HIVEP3: variants seen among roughly 807,000 people sequenced by gnomAD.
HIVEP3 encodes transcription factor HIVEP3.
HIVEP3 carries 49 observed loss-of-function variants against 152.8 expected under a neutral mutation model. That is an observed-to-expected ratio of 0.32 (90% CI 0.26 to 0.41). HIVEP3 has a LOEUF of 0.41. Ranked by LOEUF, HIVEP3 falls within the 10% of genes least tolerant of loss-of-function variation. The pLI is 1.00. For missense variants in HIVEP3, 2,790 were observed against 3,103.3 expected (o/e 0.90, Z 2.40); for synonymous variants, 1,269 against 1,289.0 (o/e 0.98, Z 0.33).
chr1:41,745,925 G>C (rs143050793), intron 1 of HIVEP3, among the ~76,000 whole-genome samples: 1 of 152,314 alleles, frequency 6.6e-6, no homozygotes, highest in Non-Finnish European at 1.5e-5. Flanking sequence ...CATGATGCCT[G>C]GCATCAAGAA....
At chr1:42,032,446 T>C (rs1232116709) in intron 1 of HIVEP3, among the ~76,000 whole-genome samples, 1 of 152,240 alleles carries the variant, frequency 6.6e-6, no homozygotes, top group Non-Finnish European at 1.5e-5. Flanking sequence ...TTTTTCTTCA[T>C]TAGGCAGAGG....
At chr1:41,538,872 C>T (rs1356635373) in intron 5 of HIVEP3, among the ~76,000 whole-genome samples, 1 of 152,114 alleles carries the variant, frequency 6.6e-6, no homozygotes, top group South Asian at 2.1e-4. Context: ...CAGCCATGAG[C>T]AGCCCTGGCC....
chr1:41,788,850 T>C (rs1649521662), intron 1 of HIVEP3, among the ~76,000 whole-genome samples: 1 of 152,246 alleles, frequency 6.6e-6, no homozygotes, highest in South Asian at 2.1e-4. Context: ...TCATTCCTCC[T>C]TCTCAACTTG....
At chr1:41,809,074 C>A (rs1650796776) in intron 1 of HIVEP3, among the ~76,000 whole-genome samples, 1 of 152,172 alleles carries the variant, frequency 6.6e-6, no homozygotes, top group Non-Finnish European at 1.5e-5. Context: ...CTCTGGACAC[C>A]AGGCTCTTCC....
intron 1 of HIVEP3, among the ~76,000 whole-genome samples, chr1:41,835,101 C>A (rs1191414118): frequency 6.6e-6 from 1 of 152,198 alleles, no homozygotes; most frequent in Non-Finnish European, 1.5e-5. Flanking sequence ...AGGACTAATT[C>A]TTAGCATGTA....
chr1:41,655,582 C>CAA (rs55918119), intron 2 of HIVEP3, among the ~76,000 whole-genome samples: 4,090 of 56,834 alleles, frequency 0.072, 303 homozygotes, highest in African/African-American at 0.16. Flanking sequence ...CACTCCATCT[C>CAA]AAAAAAAAAA....
chr1:41,705,284 G>A (rs1009048982), intron 1 of HIVEP3, among the ~76,000 whole-genome samples: 1 of 152,078 alleles, frequency 6.6e-6, no homozygotes, highest in Non-Finnish European at 1.5e-5. Context: ...CCCTGGCCTG[G>A]CCTGCAATGA....
chr1:41,717,478 A>G (rs1646612740), intron 1 of HIVEP3, among the ~76,000 whole-genome samples: 1 of 152,194 alleles, frequency 6.6e-6, no homozygotes, highest in Non-Finnish European at 1.5e-5. Context: ...AAGGTGCTTG[A>G]GTTGATGTGA....
At chr1:41,822,420 C>A (rs990801326) in intron 1 of HIVEP3, among the ~76,000 whole-genome samples, 5 of 152,188 alleles carry the variant, frequency 3.3e-5, no homozygotes, top group Admixed American at 2.6e-4. Context: ...GCAGCATATG[C>A]AGAGATGGAT....
chr1:41,762,611 G>A (rs1368485712), intron 1 of HIVEP3, among the ~76,000 whole-genome samples: 2 of 152,204 alleles, frequency 1.3e-5, no homozygotes, highest in African/African-American at 4.8e-5. Context: ...GACATGCCTG[G>A]TCCAAATGCA....
chr1:41,722,064 A>G (rs1009007304), intron 1 of HIVEP3, among the ~76,000 whole-genome samples: 1 of 152,218 alleles, frequency 6.6e-6, no homozygotes, highest in African/African-American at 2.4e-5. Context: ...GCCTCTGGCC[A>G]AGCAGGCTGC....
chr1:41,953,947 C>T lies in HIVEP3; in HGVS notation n.120-35423G>A, dbSNP rs1267031466. On this transcript the variant is annotated intron_variant and non_coding_transcript_variant, in intron 1 of 3. Coordinates refer to the HIVEP3 transcript ENST00000489103. ...CTCTTCAGAACCCAGAACATATTGG[C>T]CCTTACACTTAGTGCAAAGCTCAGT... 2.0e-5 allele frequency among the ~76,000 whole-genome samples: 3 copies of T among 152,174 alleles called. No homozygotes were observed. The East Asian group carries it at 5.8e-4, about 29-fold the overall frequency.
chr1:41,779,439 T>A (rs1434643789), intron 1 of HIVEP3, among the ~76,000 whole-genome samples: 1 of 152,260 alleles, frequency 6.6e-6, no homozygotes, highest in East Asian at 1.9e-4. Flanking sequence ...ACATATGGAA[T>A]AGTACTCAGC....
intron 1 of HIVEP3, among the ~76,000 whole-genome samples, chr1:41,790,409 A>C (rs998729325): frequency 6.6e-6 from 1 of 152,200 alleles, no homozygotes; most frequent in Non-Finnish European, 1.5e-5. Context: ...TAGCCTGCAG[A>C]ACCATGAGCC....
chr1:41,668,411 C>G (rs1028660025), intron 2 of HIVEP3, among the ~76,000 whole-genome samples: 6 of 152,220 alleles, frequency 3.9e-5, no homozygotes, highest in Non-Finnish European at 8.8e-5. Flanking sequence ...TGGCCTCACC[C>G]CATCCCTGCT....
At chr1:41,655,952 T>C (rs10890161) in intron 2 of HIVEP3, among the ~76,000 whole-genome samples, 84,154 of 152,080 alleles carry the variant, frequency 0.55, 23,767 homozygotes, top group East Asian at 0.9. Context: ...CACCCAAACA[T>C]ACTGTTGAAT....
chr1:41,711,870 T>C (rs766415849), intron 1 of HIVEP3, among the ~76,000 whole-genome samples: 7 of 152,184 alleles, frequency 4.6e-5, no homozygotes, highest in Non-Finnish European at 8.8e-5. Flanking sequence ...TCTGGGGTTT[T>C]AATTGCTCAT....
intron 2 of HIVEP3, among the ~76,000 whole-genome samples, chr1:41,693,597 T>G (rs772741752): frequency 4.6e-5 from 7 of 152,260 alleles, no homozygotes; most frequent in Non-Finnish European, 7.3e-5. Context: ...AATACTTTTC[T>G]TAGTTTGTTA....
intron 1 of HIVEP3, among the ~76,000 whole-genome samples, chr1:41,732,537 G>A (rs182782673): frequency 2.6e-5 from 4 of 152,224 alleles, no homozygotes; most frequent in African/African-American, 9.6e-5. Flanking sequence ...TAGAAAGGCA[G>A]GGGAAAGTAG....
Sources: gnomAD v4.1 joint callset for allele counts (sites outside exome capture counted in the v4.1 genomes callset) on GRCh38, gnomAD v4.1.1 for gene constraint, MANE v1.5 for transcripts, NCBI Gene and HGNC (gene_info 2026-07-23, HGNC 2026-07-21) for gene names.